The following CCKAR variants were observed in gnomAD, a reference collection of about 807,000 sequenced individuals.
CCKAR encodes the protein cholecystokinin A receptor.
A neutral mutation model predicts 29.8 loss-of-function variants in CCKAR; 21 were observed. The ratio of observed to expected loss-of-function variants is 0.70; its 90% CI spans 0.50 to 1.01. The LOEUF is 1.01. CCKAR is among the 50% of genes least tolerant of loss of function. The pLI is 0.00. For synonymous variants in CCKAR, 238 were observed against 221.3 expected (o/e 1.08, Z -0.67); for missense variants, 570 against 560.6 (o/e 1.02, Z -0.17).
At chr4:26,483,552 G>T (rs2725302) in intron 3 of CCKAR, among the ~76,000 whole-genome samples, 46,231 of 151,972 alleles carry the variant, frequency 0.3, 8,229 homozygotes, top group East Asian at 0.52. Context: ...GTCTATGTAT[G>T]AAAAAGAATG....
rs201014241 is a variant in CCKAR, at chr4:26,481,987, C to T, written c.938G>A (p.Arg313His). Residue 313 changes from arginine (R) to histidine (H), a missense_variant, in exon 5 of 5, where the codon CGC (arginine) becomes CAC (histidine). By Grantham distance (29) the Arg-to-His change is conservative. Transcript: ENST00000295589. The stretch of plus-strand genomic sequence containing the variant: ...GAGGACCACGATGACGATGAGCATG[C>T]GGATCACCCTTTTCTTGGCCATCAG... ...ANLMAKKRVIRMLIVIVVLFF... is the reference protein window; with the variant it reads ...ANLMAKKRVIHMLIVIVVLFF... 1.2e-6 allele frequency: 2 copies of T among 1,614,234 alleles called. No individual in the cohort carries two copies. The highest frequency in any genetic ancestry group is 1.7e-6 in the Non-Finnish European group (2 of 1,180,038).
intron 3 of CCKAR, among the ~76,000 whole-genome samples, chr4:26,484,917 C>T (rs372117576): frequency 2.2e-4 from 31 of 139,404 alleles, no homozygotes; most frequent in East Asian, 1.6e-3. Context: ...GAAGGCCGGG[C>T]GCGGTGGCTC....
chr4:26,484,813 G>A (rs553034354), intron 3 of CCKAR, among the ~76,000 whole-genome samples: 7 of 142,464 alleles, frequency 4.9e-5, no homozygotes, highest in Admixed American at 1.4e-4. Flanking sequence ...AGGCCAAGGC[G>A]GGAGGATCAC....
chr4:26,483,090 A>G, intron 4 of CCKAR, 66 bp downstream of exon 4: 3 of 1,551,062 alleles, frequency 1.9e-6, no homozygotes, highest in South Asian at 2.4e-5. Flanking sequence ...GGGTATATCT[A>G]TTTAAATGAT....
intron 3 of CCKAR, among the ~76,000 whole-genome samples, chr4:26,485,020 C>T (rs1249088128): frequency 6.6e-6 from 1 of 151,424 alleles, no homozygotes; most frequent in Non-Finnish European, 1.5e-5. Flanking sequence ...GGAGAAACCC[C>T]ACCTCTAATA....
intron 4 of CCKAR, among the ~76,000 whole-genome samples, chr4:26,482,438 T>C (rs1200259903): frequency 1.3e-5 from 2 of 152,202 alleles, no homozygotes; most frequent in Middle Eastern, 3.2e-3. Context: ...AGAATGAATA[T>C]TCACACTCTT....
intron 3 of CCKAR, among the ~76,000 whole-genome samples, chr4:26,484,655 T>C (rs1737412058): frequency 1.3e-5 from 2 of 152,160 alleles, no homozygotes; most frequent in African/African-American, 2.4e-5. Context: ...TTTTTATTTC[T>C]GGTAAAATGC....
At chr4:26,484,341 G>A (rs1333952161) in intron 3 of CCKAR, among the ~76,000 whole-genome samples, 4 of 152,046 alleles carry the variant, frequency 2.6e-5, no homozygotes, top group African/African-American at 9.7e-5. Flanking sequence ...ATGAAAGGAG[G>A]AAAGCAAAAA....
At chr4:26,488,108 G>A (rs930850935) in intron 2 of CCKAR, among the ~76,000 whole-genome samples, 6 of 152,028 alleles carry the variant, frequency 3.9e-5, no homozygotes, top group African/African-American at 1.4e-4. Context: ...TGCATATTCT[G>A]CAAGGCTTGG....
intron 2 of CCKAR, among the ~76,000 whole-genome samples, chr4:26,488,045 A>G (rs772631792): frequency 1.8e-4 from 28 of 151,978 alleles, no homozygotes; most frequent in Non-Finnish European, 3.4e-4. Flanking sequence ...GGGAAAAATG[A>G]GGACTTATAA....
At chr4:26,484,777 C>T (rs1356785678) in intron 3 of CCKAR, among the ~76,000 whole-genome samples, 1 of 151,944 alleles carries the variant, frequency 6.6e-6, no homozygotes, top group South Asian at 2.1e-4. Context: ...TGCAGTGGCT[C>T]ATGCCTGTAA....
At chr4:26,489,149 C>T (rs895051466) in intron 2 of CCKAR, 84 bp downstream of exon 2, 4 of 1,550,952 alleles carry the variant, frequency 2.6e-6, no homozygotes, top group African/African-American at 1.4e-5. Flanking sequence ...GGCTCCTTTG[C>T]TGTGATTGTC....
At chr4:26,488,212 C>T (rs971937904) in intron 2 of CCKAR, among the ~76,000 whole-genome samples, 5 of 146,468 alleles carry the variant, frequency 3.4e-5, no homozygotes, top group Admixed American at 1.3e-4. Flanking sequence ...AATCTGGCAC[C>T]CAGAGGGGAC....
Position 26,481,931 on chromosome 4 carries a change from C to T in CCKAR, c.994G>A (p.Ala332Thr), listed in dbSNP as rs778956662. ...GTGTCGTAGGCCCGCCAGGCGTTGG[C>T]GCTGAAGATGGGCATCCAGCACAGG... ...FFLCWMPIFS[A>T]NAWRAYDTAS... The change falls in exon 5 of 5, where the codon GCC (alanine) becomes ACC (threonine). Residue 332 changes from alanine (A) to threonine (T), a missense_variant. By Grantham distance (58) the Ala-to-Thr change is moderately conservative (BLOSUM62 0). Transcript: ENST00000295589. 23 of 1,614,142 alleles carry T rather than the reference C, an allele frequency of 1.4e-5. No homozygotes were observed. The highest frequency in any genetic ancestry group is 8.0e-5 in the African/African-American group (6 of 74,956).
chr4:26,483,859 G>A (rs1484669464), intron 3 of CCKAR, among the ~76,000 whole-genome samples: 2 of 152,226 alleles, frequency 1.3e-5, no homozygotes, highest in Non-Finnish European at 1.5e-5. Flanking sequence ...GAACCTAGAA[G>A]CTATGCTTTT....
chr4:26,490,308 A>C lies in CCKAR; in HGVS notation c.-41T>G. 7.6e-7 allele frequency: 1 copy of C among 1,309,288 alleles called. No individual in the cohort carries two copies. The highest frequency in any genetic ancestry group is 1.1e-6 in the Non-Finnish European group (1 of 903,886). 81.1% of individuals were successfully genotyped at this position (1,309,288 alleles called of 1,614,324 possible). A position where few individuals can be genotyped will look rare whatever the true frequency, so the allele number is the denominator to read the frequency against. Reference sequence around the variant, plus strand: ...TCCACCAAGTGCTGGAGAGCTGGTGAATTGCTCACTCCCGGCTCATTCCTC... The same window carrying C: ...TCCACCAAGTGCTGGAGAGCTGGTGCATTGCTCACTCCCGGCTCATTCCTC... On this transcript the variant is annotated 5_prime_UTR_variant, in exon 1 of 5. The change creates a new upstream start codon in the 5' untranslated region. Transcript: ENST00000295589.
At chr4:26,482,251 CAAG>C in intron 4 of CCKAR, 81 bp from the exon 5 acceptor site, 2 of 1,371,462 alleles carry the variant, frequency 1.5e-6, no homozygotes, top group East Asian at 4.6e-5. Flanking sequence ...TCCCCTCCAT[CAAG>C]AAGTCCAAAC....
At chr4:26,489,581 C>T (rs959127187) in intron 1 of CCKAR, 97 bp from the exon 2 acceptor site, 2 of 1,429,556 alleles carry the variant, frequency 1.4e-6, no homozygotes, top group Admixed American at 3.6e-5. Context: ...ATTTTCCCCC[C>T]ACCGGGGTGT....
chr4:26,484,438 C>A, intron 3 of CCKAR, among the ~76,000 whole-genome samples: 1 of 152,076 alleles, frequency 6.6e-6, no homozygotes, highest in East Asian at 1.9e-4. Flanking sequence ...AATATAATAC[C>A]CTGCAATTTG....
Sources: gnomAD v4.1 joint callset for allele counts (sites outside exome capture counted in the v4.1 genomes callset) on GRCh38, gnomAD v4.1.1 for gene constraint, MANE v1.5 for transcripts, NCBI Gene and HGNC (gene_info 2026-07-23, HGNC 2026-07-21) for gene names.